Variants in ASPRV1 observed in about 807,000 individuals in gnomAD.
ASPRV1 encodes retroviral-like aspartic protease 1.
Under a neutral mutation model 11.0 loss-of-function variants are expected in ASPRV1, and 7 were observed. The observed-to-expected ratio is 0.64, with a 90% CI of 0.36 to 1.20. The LOEUF (loss-of-function observed/expected upper bound fraction) is 1.20. ASPRV1 is among the 50% of genes most tolerant of loss of function. ASPRV1 has a pLI of 0.02. For missense variants in ASPRV1, 299 were observed against 320.0 expected (o/e 0.93, Z 0.50); for synonymous variants, 136 against 138.4 (o/e 0.98, Z 0.12).
the ASPRV1 span, among the ~76,000 whole-genome samples, chr2:69,968,992 T>A: frequency 0.23 from 34,748 of 152,182 alleles, 7,009 homozygotes; most frequent in African/African-American, 0.51. Context: ...AAATTAGCAC[T>A]CATGAGACTT....
At chr2:70,038,462 G>C in the ASPRV1 span, among the ~76,000 whole-genome samples, 2 of 152,100 alleles carry the variant, frequency 1.3e-5, no homozygotes, top group Non-Finnish European at 2.9e-5. Context: ...ACCTGTAAGT[G>C]CTAGCTACTC....
chr2:70,030,139 T>C, the ASPRV1 span: 1 of 152,204 alleles, frequency 6.6e-6, no homozygotes, highest in Admixed American at 6.5e-5. Flanking sequence ...CTTTGGTAGT[T>C]TCACTGACTA....
chr2:69,944,280 T>G, the ASPRV1 span, among the ~76,000 whole-genome samples: 1 of 152,254 alleles, frequency 6.6e-6, no homozygotes, highest in South Asian at 2.1e-4. Context: ...ACAAATCTTA[T>G]TTCCGAAGTT....
the ASPRV1 span, among the ~76,000 whole-genome samples, chr2:69,994,858 T>C: frequency 8.8e-5 from 13 of 146,902 alleles, no homozygotes; most frequent in Non-Finnish European, 1.5e-4. Flanking sequence ...AAAAATTAGC[T>C]GGGCGTGGTG....
At chr2:70,016,472 T>A in the ASPRV1 span, 2 of 137,586 alleles carry the variant, frequency 1.5e-5, no homozygotes, top group Admixed American at 7.5e-5. Context: ...CCCAGGAGTT[T>A]AAGGCCTGCA....
the ASPRV1 span, among the ~76,000 whole-genome samples, chr2:70,083,870 G>A: frequency 6.6e-6 from 1 of 152,192 alleles, no homozygotes; most frequent in African/African-American, 2.4e-5. Flanking sequence ...CCTGACAGAT[G>A]AGTTGTAGAA....
the ASPRV1 span, chr2:69,975,750 G>GT: frequency 6.6e-6 from 1 of 152,358 alleles, no homozygotes; most frequent in Admixed American, 6.5e-5. Flanking sequence ...TCATGGCCAT[G>GT]TGAGTGGAAG....
At chr2:70,076,202 A>G in the ASPRV1 span, among the ~76,000 whole-genome samples, 1 of 152,192 alleles carries the variant, frequency 6.6e-6, no homozygotes, top group Admixed American at 6.5e-5. Context: ...CCTACACTCA[A>G]GTTTGACAAG....
the ASPRV1 span, among the ~76,000 whole-genome samples, chr2:69,992,598 T>A: frequency 6.6e-6 from 1 of 152,216 alleles, no homozygotes. Context: ...CTCACATTAT[T>A]CTAATCCCAC....
chr2:69,972,692 C>T, the ASPRV1 span, among the ~76,000 whole-genome samples: 1 of 152,064 alleles, frequency 6.6e-6, no homozygotes, highest in East Asian at 1.9e-4. Flanking sequence ...GTTCTGCAGT[C>T]CTCCTTACTC....
the ASPRV1 span, among the ~76,000 whole-genome samples, chr2:69,948,142 G>C: frequency 6.6e-6 from 1 of 151,970 alleles, no homozygotes; most frequent in Admixed American, 6.6e-5. Context: ...AGCTACCTGG[G>C]AGGCTGAGGC....
chr2:69,957,785 T>C (rs1248672903), downstream of ASPRV1, among the ~76,000 whole-genome samples: 4 of 152,140 alleles, frequency 2.6e-5, no homozygotes, highest in South Asian at 2.1e-4. Context: ...CCTGCTGCAC[T>C]TTGGGACCAC....
the ASPRV1 span, among the ~76,000 whole-genome samples, chr2:70,039,827 G>C: frequency 6.6e-6 from 1 of 152,184 alleles, no homozygotes; most frequent in African/African-American, 2.4e-5. Context: ...AATAAGAAAA[G>C]AAAGAACCAC....
At chr2:69,952,616 A>C in the ASPRV1 span, among the ~76,000 whole-genome samples, 1 of 152,196 alleles carries the variant, frequency 6.6e-6, no homozygotes, top group East Asian at 1.9e-4. Flanking sequence ...AAAAGGAGAA[A>C]AGGAAATGAA....
At chr2:69,937,040 C>T in the ASPRV1 span, 163 of 740,258 alleles carry the variant, frequency 2.2e-4, 3 homozygotes, top group East Asian at 4.1e-3. Flanking sequence ...CCAGCACTGG[C>T]GATGCTGAAG....
the ASPRV1 span, among the ~76,000 whole-genome samples, chr2:70,084,761 G>GT: frequency 6.6e-6 from 1 of 151,994 alleles, no homozygotes; most frequent in African/African-American, 2.4e-5. Flanking sequence ...TTTCTTAGTG[G>GT]TTTTTTTAAA....
chr2:69,980,584 G>T, the ASPRV1 span, among the ~76,000 whole-genome samples: 283 of 152,178 alleles, frequency 1.9e-3, no homozygotes, highest in Middle Eastern at 0.01. Flanking sequence ...GACATTCATG[G>T]AAAAAATGAT....
the ASPRV1 span, among the ~76,000 whole-genome samples, chr2:70,000,293 G>A: frequency 2.8e-5 from 4 of 144,520 alleles, no homozygotes; most frequent in African/African-American, 2.6e-5. Context: ...GGCCAGCCTC[G>A]GCAACATAGT....
chr2:70,078,715 C>T, the ASPRV1 span, among the ~76,000 whole-genome samples: 1 of 152,172 alleles, frequency 6.6e-6, no homozygotes, highest in Non-Finnish European at 1.5e-5. Flanking sequence ...TGGTGTGAAT[C>T]CTACATGGTC....
Sources: gnomAD v4.1 joint callset for allele counts (sites outside exome capture counted in the v4.1 genomes callset) on GRCh38, gnomAD v4.1.1 for gene constraint, MANE v1.5 for transcripts, NCBI Gene and HGNC (gene_info 2026-07-23, HGNC 2026-07-21) for gene names.